Variants in TSPAN12 observed in about 807,000 individuals in gnomAD.
TSPAN12 encodes tetraspanin 12.
Under a neutral mutation model 39.2 loss-of-function variants are expected in TSPAN12, and 19 were observed. The ratio of observed to expected loss-of-function variants is 0.49; its 90% CI spans 0.34 to 0.71. The LOEUF (loss-of-function observed/expected upper bound fraction) is 0.71. Among genes scored for constraint, TSPAN12 ranks in the 30% least tolerant of loss-of-function variants. The pLI is 0.01. For missense variants in TSPAN12, 314 were observed against 359.9 expected (o/e 0.87, Z 1.03); for synonymous variants, 119 against 124.8 (o/e 0.95, Z 0.31).
chr7:120,813,164 G>A (rs1044144242), intron 5 of TSPAN12, among the ~76,000 whole-genome samples: 1 of 152,168 alleles, frequency 6.6e-6, no homozygotes, highest in African/African-American at 2.4e-5. Flanking sequence ...TAAAGGCTGG[G>A]TTCTGCAAAA....
intron 4 of TSPAN12, among the ~76,000 whole-genome samples, chr7:120,827,515 C>T (rs6969403): frequency 0.035 from 5,359 of 152,094 alleles, 259 homozygotes; most frequent in African/African-American, 0.11. Flanking sequence ...GTATAAACAA[C>T]GATAAAATTA....
At chr7:120,796,209 CA>C (rs1562936937) in intron 7 of TSPAN12, among the ~76,000 whole-genome samples, 2 of 152,106 alleles carry the variant, frequency 1.3e-5, no homozygotes, top group African/African-American at 4.8e-5. Context: ...CTTGGGGGCC[CA>C]TTTGGGCACC....
At chr7:120,838,719 A>G (rs1034717750) in intron 4 of TSPAN12, 58 bp downstream of exon 4, 4 of 1,560,064 alleles carry the variant, frequency 2.6e-6, no homozygotes, top group South Asian at 1.1e-5. Context: ...TGATTAAAAA[A>G]TAATATATTA....
chr7:120,829,477 C>T (rs1794351296), intron 4 of TSPAN12, among the ~76,000 whole-genome samples: 2 of 151,850 alleles, frequency 1.3e-5, no homozygotes, highest in African/African-American at 4.8e-5. Context: ...CAAACGTTAT[C>T]CGCCCTCTTG....
intron 4 of TSPAN12, among the ~76,000 whole-genome samples, chr7:120,818,930 T>G (rs1483086805): frequency 1.3e-5 from 2 of 152,112 alleles, no homozygotes; most frequent in African/African-American, 2.4e-5. Flanking sequence ...TCTTTAATGC[T>G]TTACTTAAGA....
At chr7:120,797,240 T>C (rs1327543423) in intron 7 of TSPAN12, among the ~76,000 whole-genome samples, 1 of 152,238 alleles carries the variant, frequency 6.6e-6, no homozygotes, top group Non-Finnish European at 1.5e-5. Context: ...TTCCTGCCAA[T>C]AAAATCTGAA....
intron 5 of TSPAN12, among the ~76,000 whole-genome samples, chr7:120,811,911 AG>A (rs1232413978): frequency 6.6e-6 from 1 of 152,042 alleles, no homozygotes; most frequent in Admixed American, 6.6e-5. Flanking sequence ...GAAGGATGGG[AG>A]GGGGACGAGG....
intron 3 of TSPAN12, among the ~76,000 whole-genome samples, chr7:120,839,227 A>G (rs1794534515): frequency 6.6e-6 from 1 of 152,192 alleles, no homozygotes; most frequent in African/African-American, 2.4e-5. Flanking sequence ...GCCTTAGCCT[A>G]AGTAAATCAC....
chr7:120,826,535 T>C (rs1367906665), intron 4 of TSPAN12, among the ~76,000 whole-genome samples: 2 of 152,070 alleles, frequency 1.3e-5, no homozygotes, highest in Admixed American at 6.6e-5. Context: ...GGGGTCCCCA[T>C]TACCAAAACC....
rs1794135806 is a variant in TSPAN12, at chr7:120,818,927, T to C, written c.286-3124A>G. On this transcript the variant is annotated intron_variant, in intron 4 of 7. Transcript: ENST00000222747. ...CAATTTTTATCCGACCTTTCTTTAA[T>C]GCTTTACTTAAGAGATTTCTAGACA... Among the ~76,000 whole-genome samples the C allele has an allele frequency of 2.0e-5, 3 of 152,250 alleles. No homozygotes were observed. The South Asian group carries it at 6.2e-4, about 32-fold the overall frequency.
intron 2 of TSPAN12, among the ~76,000 whole-genome samples, chr7:120,852,070 A>T (rs1428335210): frequency 6.6e-6 from 1 of 152,194 alleles, no homozygotes; most frequent in Non-Finnish European, 1.5e-5. Flanking sequence ...TACATTTTTT[A>T]AAAAGTACTC....
intron 2 of TSPAN12, among the ~76,000 whole-genome samples, chr7:120,840,340 G>A (rs1379966255): frequency 6.6e-6 from 1 of 152,160 alleles, no homozygotes; most frequent in Non-Finnish European, 1.5e-5. Flanking sequence ...ACTATTAAGT[G>A]GCTGATCCCA....
chr7:120,790,399 A>G (rs1018904199), intron 7 of TSPAN12, among the ~76,000 whole-genome samples: 1 of 152,214 alleles, frequency 6.6e-6, no homozygotes, highest in African/African-American at 2.4e-5. Flanking sequence ...GATTAAATGC[A>G]CAGACACATT....
Position 120,819,210 on chromosome 7 carries a change from G to T in TSPAN12, c.286-3407C>A, listed in dbSNP as rs184989011. On this transcript the variant is annotated intron_variant, in intron 4 of 7. Coordinates refer to ENST00000222747, the MANE Select transcript of TSPAN12 (RefSeq NM_012338.4). ...TGTTTATCAATAAAACATGGACATG[G>T]ATGATGATTATAAAGAAAACAGGAA... Among the ~76,000 whole-genome samples the T allele has an allele frequency of 4.9e-3, 744 of 152,208 alleles. 5 individuals are homozygous for T. Among genetic ancestry groups the T allele is most frequent in the Non-Finnish European group, 8.0e-3 (543 of 67,992 alleles).
chr7:120,807,843 T>A (rs1275382376), intron 6 of TSPAN12, among the ~76,000 whole-genome samples: 3 of 152,154 alleles, frequency 2.0e-5, no homozygotes, highest in Non-Finnish European at 4.4e-5. Context: ...TGGGTAATAC[T>A]GAAATTTTGA....
At chr7:120,853,469 C>CAG (rs1794807602) in intron 2 of TSPAN12, among the ~76,000 whole-genome samples, 1 of 110,528 alleles carries the variant, frequency 9.0e-6, no homozygotes, top group Non-Finnish European at 1.8e-5. Flanking sequence ...TCAAGAAATG[C>CAG]AGATATATAT....
intron 2 of TSPAN12, among the ~76,000 whole-genome samples, chr7:120,850,311 G>T (rs1794746883): frequency 6.6e-6 from 1 of 152,212 alleles, no homozygotes; most frequent in African/African-American, 2.4e-5. Flanking sequence ...AGCCTCTGTT[G>T]TTTGGGCATA....
intron 2 of TSPAN12, among the ~76,000 whole-genome samples, chr7:120,848,564 A>C (rs948934375): frequency 2.0e-5 from 3 of 152,248 alleles, no homozygotes; most frequent in Non-Finnish European, 4.4e-5. Flanking sequence ...TTTATATATC[A>C]GATTAGAAGC....
intron 6 of TSPAN12, among the ~76,000 whole-genome samples, chr7:120,809,506 T>C (rs1329888526): frequency 6.6e-6 from 1 of 152,176 alleles, no homozygotes; most frequent in Non-Finnish European, 1.5e-5. Flanking sequence ...GATTTGGAGA[T>C]TGTCCTGGAC....
Sources: gnomAD v4.1 joint callset for allele counts (sites outside exome capture counted in the v4.1 genomes callset) on GRCh38, gnomAD v4.1.1 for gene constraint, MANE v1.5 for transcripts, NCBI Gene and HGNC (gene_info 2026-07-23, HGNC 2026-07-21) for gene names.